The following SLC14A2 variants were observed in gnomAD, a reference collection of about 807,000 sequenced individuals.
SLC14A2 encodes urea transporter 2.
Under a neutral mutation model 104.6 loss-of-function variants are expected in SLC14A2, and 91 were observed. That is an observed-to-expected ratio of 0.87 (90% confidence interval 0.73 to 1.04). SLC14A2 has a LOEUF of 1.04. SLC14A2 is among the 50% of genes least tolerant of loss of function. SLC14A2 has a pLI of 0.00. For missense variants in SLC14A2, 1,189 were observed against 1,156.0 expected (o/e 1.03, Z -0.41); for synonymous variants, 476 against 466.4 (o/e 1.02, Z -0.27).
At chr18:45,384,811 G>C (rs2085877220) in intron 1 of SLC14A2, among the ~76,000 whole-genome samples, 1 of 152,238 alleles carries the variant, frequency 6.6e-6, no homozygotes, top group Admixed American at 6.5e-5. Flanking sequence ...GAGATGGGAA[G>C]TGAGTGTAAA....
At position 45,518,397 on chromosome 18, in the gene SLC14A2, C is replaced by CTTCATTCA. The variant is rs10589715; in HGVS notation, c.-35+35100_-35+35107dup. Reference sequence around the variant, plus strand: ...CTAACTCCCCTATGATAGCATTTGTCTTCATTCATTCATTCATTCATTCAT... The same window carrying CTTCATTCA: ...CTAACTCCCCTATGATAGCATTTGTCTTCATTCATTCATTCATTCATTCATTCATTCAT... On this transcript the variant is annotated intron_variant, in intron 2 of 20. Coordinates refer to the SLC14A2 transcript ENST00000586448. 1.1e-3 allele frequency among the ~76,000 whole-genome samples: 167 copies of CTTCATTCA among 151,510 alleles called. 1 individual carries two copies. Among genetic ancestry groups the CTTCATTCA allele is most frequent in the African/African-American group, 3.5e-3 (143 of 41,228 alleles).
chr18:45,616,621 G>A (rs917363093), intron 1 of SLC14A2, among the ~76,000 whole-genome samples: 18 of 152,232 alleles, frequency 1.2e-4, no homozygotes, highest in African/African-American at 3.6e-4. Context: ...GGTGACCTGC[G>A]TTGGGGAGGG....
intron 2 of SLC14A2, among the ~76,000 whole-genome samples, chr18:45,522,464 G>A (rs2144811799): frequency 6.6e-6 from 1 of 152,178 alleles, no homozygotes; most frequent in African/African-American, 2.4e-5. Flanking sequence ...CTCAGTCCCT[G>A]CCTCTCATTC....
intron 2 of SLC14A2, among the ~76,000 whole-genome samples, chr18:45,515,860 A>AGC (rs1348511786): frequency 6.6e-6 from 1 of 152,268 alleles, no homozygotes; most frequent in Non-Finnish European, 1.5e-5. Context: ...TTGTAAATGA[A>AGC]GCAGGGCCTG....
At chr18:45,423,333 C>T (rs1568194844) in intron 1 of SLC14A2, among the ~76,000 whole-genome samples, 2 of 152,196 alleles carry the variant, frequency 1.3e-5, no homozygotes, top group Non-Finnish European at 2.9e-5. Flanking sequence ...AGCTGAAGTA[C>T]AGAGAAATCT....
intron 1 of SLC14A2, among the ~76,000 whole-genome samples, chr18:45,419,222 T>C (rs1165891505): frequency 6.6e-6 from 1 of 152,196 alleles, no homozygotes; most frequent in Non-Finnish European, 1.5e-5. Context: ...TGGTGGAGAA[T>C]CTTCATGGAA....
chr18:45,490,348 G>T (rs2087698706), intron 2 of SLC14A2, among the ~76,000 whole-genome samples: 1 of 152,178 alleles, frequency 6.6e-6, no homozygotes, highest in Admixed American at 6.5e-5. Flanking sequence ...ACAACTAAGT[G>T]GGGAAGGAAT....
intron 10 of SLC14A2, among the ~76,000 whole-genome samples, chr18:45,660,545 T>C (rs912249066): frequency 6.6e-6 from 1 of 152,212 alleles, no homozygotes; most frequent in Non-Finnish European, 1.5e-5. Context: ...CCCTCTGAGA[T>C]ATCTGTCATC....
intron 1 of SLC14A2, among the ~76,000 whole-genome samples, chr18:45,382,282 G>A (rs1337350919): frequency 7.1e-6 from 1 of 141,656 alleles, no homozygotes; most frequent in East Asian, 2.3e-4. Context: ...TAGATGTTGG[G>A]AATACATATA....
chr18:45,669,830 TAA>T (rs535066735), intron 16 of SLC14A2, among the ~76,000 whole-genome samples: 75 of 152,370 alleles, frequency 4.9e-4, no homozygotes, highest in African/African-American at 1.5e-3. Flanking sequence ...TGTGGATGTT[TAA>T]AAAGTCTTTT....
chr18:45,281,645 A>G (rs1282091592), intron 1 of SLC14A2, among the ~76,000 whole-genome samples: 1 of 152,198 alleles, frequency 6.6e-6, no homozygotes, highest in African/African-American at 2.4e-5. Flanking sequence ...GGTGCAATTT[A>G]GAAGTATCTC....
intron 1 of SLC14A2, among the ~76,000 whole-genome samples, chr18:45,316,660 C>G (rs550269706): frequency 6.6e-6 from 1 of 152,132 alleles, no homozygotes. Context: ...AGTGAGGTTT[C>G]GAGGAGAGTA....
chr18:45,499,647 T>C (rs546045913), intron 2 of SLC14A2, among the ~76,000 whole-genome samples: 1 of 152,348 alleles, frequency 6.6e-6, no homozygotes, highest in East Asian at 1.9e-4. Flanking sequence ...ATGATCACTG[T>C]CAAAATCATT....
At chr18:45,647,003 T>A (rs1263069320) in intron 10 of SLC14A2, 3 of 152,160 alleles carry the variant, frequency 2.0e-5, no homozygotes, top group Non-Finnish European at 4.4e-5. Flanking sequence ...GAAAGGGACT[T>A]TAGAGGAGGC....
At chr18:45,247,185 C>A (rs1208487072) in intron 1 of SLC14A2, among the ~76,000 whole-genome samples, 1 of 152,200 alleles carries the variant, frequency 6.6e-6, no homozygotes, top group Non-Finnish European at 1.5e-5. Flanking sequence ...AAGGCTATTT[C>A]GGCACTGTTA....
chr18:45,548,195 A>T (rs2044002943), intron 2 of SLC14A2, among the ~76,000 whole-genome samples: 1 of 152,198 alleles, frequency 6.6e-6, no homozygotes, highest in African/African-American at 2.4e-5. Flanking sequence ...ACAGGAAAGC[A>T]GGCCTGCCCT....
chr18:45,473,590 T>C (rs2144674043), intron 1 of SLC14A2, among the ~76,000 whole-genome samples: 1 of 152,354 alleles, frequency 6.6e-6, no homozygotes. Context: ...AAGAGGTCCT[T>C]CACATCCCTT....
chr18:45,304,602 T>G (rs573205047), intron 1 of SLC14A2, among the ~76,000 whole-genome samples: 61 of 152,326 alleles, frequency 4.0e-4, no homozygotes, highest in African/African-American at 1.4e-3. Flanking sequence ...AAAGCCCAGG[T>G]GAAGGGTGGT....
At chr18:45,452,770 G>C (rs1476868310) in intron 1 of SLC14A2, among the ~76,000 whole-genome samples, 1 of 152,178 alleles carries the variant, frequency 6.6e-6, no homozygotes, top group Non-Finnish European at 1.5e-5. Context: ...CAAGACAAGG[G>C]TAAGGTCACA....
Sources: gnomAD v4.1 joint callset for allele counts (sites outside exome capture counted in the v4.1 genomes callset) on GRCh38, gnomAD v4.1.1 for gene constraint, MANE v1.5 for transcripts, NCBI Gene and HGNC (gene_info 2026-07-23, HGNC 2026-07-21) for gene names.